The following GALNT15 variants were observed in gnomAD, a reference collection of about 807,000 sequenced individuals.
GALNT15 encodes UDP-GalNAc transferase T15.
A neutral mutation model predicts 66.8 loss-of-function variants in GALNT15; 67 were observed. The observed-to-expected ratio is 1.00, with a 90% CI of 0.82 to 1.23. The LOEUF (loss-of-function observed/expected upper bound fraction) is 1.23. GALNT15 is among the 50% of genes most tolerant of loss of function. The probability of loss-of-function intolerance (pLI) is 0.00; values close to 1 mark genes in which losing one functional copy is unlikely to be tolerated. For missense variants in GALNT15, 827 were observed against 804.3 expected, an observed-to-expected ratio of 1.03 and a Z score of -0.34; for synonymous variants, 313 against 311.5, an observed-to-expected ratio of 1.00 and a Z score of -0.05.
intron 1 of GALNT15, among the ~76,000 whole-genome samples, chr3:16,185,003 A>C (rs541682949): frequency 2.0e-5 from 3 of 152,314 alleles, no homozygotes; most frequent in Middle Eastern, 3.4e-3. Context: ...AGAAAGCCCT[A>C]GGGCCATTAG....
chr3:16,190,526 T>G (rs1397891592), intron 1 of GALNT15, among the ~76,000 whole-genome samples: 1 of 151,122 alleles, frequency 6.6e-6, no homozygotes, highest in Non-Finnish European at 1.5e-5. Flanking sequence ...TAGTCCCAGC[T>G]ACTCAGGAGG....
chr3:16,216,809 G>C (rs1226024473), intron 6 of GALNT15, among the ~76,000 whole-genome samples: 1 of 152,200 alleles, frequency 6.6e-6, no homozygotes, highest in Non-Finnish European at 1.5e-5. Flanking sequence ...TCATGTACCA[G>C]TTAAACGCCA....
In GALNT15 at chr3:16,212,633, A is replaced by C; in HGVS notation, c.1262A>C (p.Asn421Thr). 2 of 1,613,776 alleles carry C rather than the reference A, an allele frequency of 1.2e-6. No individual in the cohort carries two copies. The highest frequency in any genetic ancestry group is 1.7e-6 in the Non-Finnish European group (2 of 1,179,928). ...TCTCGGGTAGGACACATCTACCAAA[A>C]TCAGGATTCCCATTCCCCCCTCGAC... Reference protein sequence around the residue: ...PCSRVGHIYQNQDSHSPLDQE... With the variant: ...PCSRVGHIYQTQDSHSPLDQE... Residue 421 changes from asparagine to threonine, a missense_variant, in exon 6 of 10, where the codon AAT (asparagine) becomes ACT (threonine). Coordinates refer to ENST00000339732, the MANE Select transcript of GALNT15 (RefSeq NM_054110.5).
rs777878836 is a variant in GALNT15, at chr3:16,175,907, A to T, written c.539+217A>T. Among the ~76,000 whole-genome samples, 6 of 152,202 alleles carry T rather than the reference A, an allele frequency of 3.9e-5. No homozygotes were observed. The highest frequency in any genetic ancestry group is 1.4e-4 in the African/African-American group (6 of 41,464). ...CCCCATCCCAGACCTGCCAAACAAGAAACTCTGGGTGGGGTCCAGTGGTCT... is the reference window on the plus strand; with the variant it reads ...CCCCATCCCAGACCTGCCAAACAAGTAACTCTGGGTGGGGTCCAGTGGTCT... On this transcript the variant is annotated intron_variant, in intron 1 of 9. Coordinates refer to ENST00000339732, the MANE Select transcript of GALNT15 (RefSeq NM_054110.5). The surrounding 1 kb of genome is among the most constrained non-coding windows in gnomAD (Gnocchi z 5.6).
At position 16,193,166 on chromosome 3, in the gene GALNT15, CA is replaced by C. The variant is rs1326934460; in HGVS notation, c.540-2589del. ...TTACTAGAAAGAGTGTTGCTTTCCCCAAAAACCTTGCATGTAACTTCTCTAA... is the reference window on the plus strand; with the variant it reads ...TTACTAGAAAGAGTGTTGCTTTCCCCAAAACCTTGCATGTAACTTCTCTAA... On this transcript the variant is annotated intron_variant, in intron 1 of 9. Transcript: ENST00000339732. This position sits in a 1 kb window ranked among gnomAD's most constrained non-coding sequence, Gnocchi z 4.7. Among the ~76,000 whole-genome samples, 1 of 151,856 alleles carries C rather than the reference CA, an allele frequency of 6.6e-6. No homozygotes were observed. Among genetic ancestry groups the C allele is most frequent in the Non-Finnish European group, 1.5e-5 (1 of 67,920 alleles).
chr3:16,178,988 G>T (rs1268717759), intron 1 of GALNT15, among the ~76,000 whole-genome samples: 1 of 152,148 alleles, frequency 6.6e-6, no homozygotes. Context: ...TTTCCCCCCT[G>T]CCCAGGCCAC....
chr3:16,240,554 A>G, the GALNT15 span, among the ~76,000 whole-genome samples: 1 of 152,364 alleles, frequency 6.6e-6, no homozygotes, highest in Admixed American at 6.5e-5. Context: ...GGGACACAAA[A>G]TAGACCTATA....
the GALNT15 span, among the ~76,000 whole-genome samples, chr3:16,247,134 GTC>G: frequency 6.6e-6 from 1 of 150,838 alleles, no homozygotes; most frequent in Non-Finnish European, 1.5e-5. Context: ...GTGTGTGTGT[GTC>G]TGTTTGTAAG....
At chr3:16,201,796 A>G (rs1211172288) in intron 3 of GALNT15, among the ~76,000 whole-genome samples, 1 of 152,204 alleles carries the variant, frequency 6.6e-6, no homozygotes, top group African/African-American at 2.4e-5. Flanking sequence ...TGCTCAAGAC[A>G]AACAGTTCCT....
chr3:16,219,865 A>G lies in GALNT15; in HGVS notation c.1525-45A>G. ...ATGGTGTCTGACCGAGGGTGTCTTT[A>G]CAGTGGAATCTGGAATTCACTCCTG... On this transcript the variant is annotated intron_variant, in intron 7 of 9. Transcript: ENST00000339732. The surrounding 1 kb of genome is among the most constrained non-coding windows in gnomAD (Gnocchi z 4.3). 1 of 1,480,078 alleles carries G rather than the reference A, an allele frequency of 6.8e-7. No homozygotes were observed. Among genetic ancestry groups the G allele is most frequent in the South Asian group, 1.1e-5 (1 of 87,974 alleles). 91.7% of individuals were successfully genotyped at this position (1,480,078 alleles called of 1,614,324 possible). A position where few individuals can be genotyped will look rare whatever the true frequency, so the allele number is the denominator to read the frequency against.
the GALNT15 span, among the ~76,000 whole-genome samples, chr3:16,243,583 C>T: frequency 6.6e-6 from 1 of 152,190 alleles, no homozygotes; most frequent in African/African-American, 2.4e-5. Flanking sequence ...GGAAGACCAC[C>T]CACATGAGGA....
rs570142008 is a variant in GALNT15 at position 16,187,146 on chromosome 3, C to T, written c.540-8614C>T. Among the ~76,000 whole-genome samples, 58 of 152,154 alleles carry T rather than the reference C, an allele frequency of 3.8e-4. No individual in the cohort carries two copies. Among genetic ancestry groups the T allele is most frequent in the African/African-American group, 1.3e-3 (56 of 41,520 alleles). ...AGGCATGGTGGTGCATGCCTGTAAT[C>T]CCAGCTACTCAGGAGGCTGAGGTGG... On this transcript the variant is annotated intron_variant, in intron 1 of 9. Coordinates refer to ENST00000339732, the MANE Select transcript of GALNT15 (RefSeq NM_054110.5). The surrounding 1 kb of genome is among the most constrained non-coding windows in gnomAD (Gnocchi z 5.1).
At chr3:16,216,373 C>T (rs1168347152) in intron 6 of GALNT15, among the ~76,000 whole-genome samples, 1 of 152,056 alleles carries the variant, frequency 6.6e-6, no homozygotes, top group Non-Finnish European at 1.5e-5. Flanking sequence ...GTGGTGTGCA[C>T]CTGTAGTGCC....
In GALNT15 at chr3:16,182,116, A is replaced by G. The variant is rs372041809; in HGVS notation, c.539+6426A>G. Among the ~76,000 whole-genome samples, 12 of 151,970 alleles carry G rather than the reference A, an allele frequency of 7.9e-5. No individual in the cohort carries two copies. In the South Asian group the frequency reaches 1.5e-3, roughly 18 times the overall value. Reference sequence around the variant, plus strand: ...CTGCACCTTGTCCTGGGGTGGGAGGAATTGATGTTATTTACTCCAGTGCCA... The same window carrying G: ...CTGCACCTTGTCCTGGGGTGGGAGGGATTGATGTTATTTACTCCAGTGCCA... On this transcript the variant is annotated intron_variant, in intron 1 of 9. Coordinates refer to ENST00000339732, the MANE Select transcript of GALNT15 (RefSeq NM_054110.5). The surrounding 1 kb of genome is among the most constrained non-coding windows in gnomAD (Gnocchi z 6.1).
At chr3:16,215,340 T>C (rs2063859817) in intron 6 of GALNT15, among the ~76,000 whole-genome samples, 1 of 152,214 alleles carries the variant, frequency 6.6e-6, no homozygotes, top group African/African-American at 2.4e-5. Flanking sequence ...ATTTTTTAAG[T>C]GCTTGTTTGT....
In GALNT15 at chr3:16,219,052, GT is replaced by G. The variant is rs1227188223; in HGVS notation, c.1393-350del. Among the ~76,000 whole-genome samples the G allele has an allele frequency of 6.6e-6, 1 of 152,042 alleles. No homozygotes were observed. Among genetic ancestry groups the G allele is most frequent in the Non-Finnish European group, 1.5e-5 (1 of 68,002 alleles). ...GCTGGTCTTGAACTCCTGACCTCAA[GT>G]GATCCACCAGCCTCGGCCTCCCAAA... is the stretch of plus-strand genomic sequence containing the variant. On this transcript the variant is annotated intron_variant, in intron 6 of 9. Coordinates refer to ENST00000339732, the MANE Select transcript of GALNT15 (RefSeq NM_054110.5). This position sits in a 1 kb window ranked among gnomAD's most constrained non-coding sequence, Gnocchi z 4.3.
In GALNT15 at chr3:16,193,160, T is replaced by C. The variant is rs2063597340; in HGVS notation, c.540-2600T>C. 6.6e-6 allele frequency among the ~76,000 whole-genome samples: 1 copy of C among 152,162 alleles called. No homozygotes were observed. The highest frequency in any genetic ancestry group is 2.1e-4 in the South Asian group (1 of 4,828). On this transcript the variant is annotated intron_variant, in intron 1 of 9. Coordinates refer to ENST00000339732, the MANE Select transcript of GALNT15 (RefSeq NM_054110.5). The surrounding 1 kb of genome is among the most constrained non-coding windows in gnomAD (Gnocchi z 4.7). ...AAAAAATTACTAGAAAGAGTGTTGC[T>C]TTCCCCAAAAACCTTGCATGTAACT... is the stretch of plus-strand genomic sequence containing the variant.
Position 16,211,805 on chromosome 3 carries a change from G to T in GALNT15, c.1197+564G>T, listed in dbSNP as rs1288774706. ...AAAAATTCATCATCAAGAGTGCAGA[G>T]ATCTAATGCTGAAAGTGTGAATTAC... On this transcript the variant is annotated intron_variant, in intron 5 of 9. Coordinates refer to ENST00000339732, the MANE Select transcript of GALNT15 (RefSeq NM_054110.5). This position sits in a 1 kb window ranked among gnomAD's most constrained non-coding sequence, Gnocchi z 4.3. 1.3e-5 allele frequency among the ~76,000 whole-genome samples: 2 copies of T among 152,162 alleles called. No homozygotes were observed. The highest frequency in any genetic ancestry group is 4.8e-5 in the African/African-American group (2 of 41,436).
Position 16,219,611 on chromosome 3 carries a change from T to C in GALNT15, c.1524+77T>C. ...AAGAACTAGATGTTCAGCTCTTCCA[T>C]GTCCCTGGTCAACCATTCACGGTTT... On this transcript the variant is annotated intron_variant, in intron 7 of 9. Transcript: ENST00000339732. This position sits in a 1 kb window ranked among gnomAD's most constrained non-coding sequence, Gnocchi z 4.3. The C allele has an allele frequency of 4.5e-6, 7 of 1,565,200 alleles. No individual in the cohort carries two copies. Among genetic ancestry groups the C allele is most frequent in the Admixed American group, 1.8e-5 (1 of 56,468 alleles).
Sources: gnomAD v4.1 joint callset for allele counts (sites outside exome capture counted in the v4.1 genomes callset) on GRCh38, gnomAD v4.1.1 for gene constraint, Gnocchi (gnomAD v3.1) non-coding constraint, MANE v1.5 for transcripts, NCBI Gene and HGNC (gene_info 2026-07-23, HGNC 2026-07-21) for gene names.